The following SEPTIN4 variants were observed in gnomAD, a reference collection of about 807,000 sequenced individuals.
The protein encoded by SEPTIN4 is septin 4, also known as septin-4.
Under a neutral mutation model 107.1 loss-of-function variants are expected in SEPTIN4, and 52 were observed. That is an observed-to-expected ratio of 0.49 (90% CI 0.39 to 0.61). The LOEUF (loss-of-function observed/expected upper bound fraction) is 0.61, where lower values mean the gene tolerates loss of function less well. SEPTIN4 is among the 20% of genes least tolerant of loss of function. SEPTIN4 has a pLI of 0.00. For synonymous variants in SEPTIN4, 417 were observed against 467.0 expected (o/e 0.89, Z 1.38); for missense variants, 1,048 against 1,243.5 (o/e 0.84, Z 2.36).
At chr17:58,532,173 C>T (rs2043531291) in intron 3 of SEPTIN4, 1 of 934,352 alleles carries the variant, frequency 1.1e-6, no homozygotes, top group Non-Finnish European at 1.3e-6. Context: ...CGAAGTGGGT[C>T]GGGGTGCCCA....
At chr17:58,540,786 GCAAA>G in intron 2 of SEPTIN4, 113 bp from the exon 3 acceptor site, 1 of 1,168,326 alleles carries the variant, frequency 8.6e-7, no homozygotes, top group Non-Finnish European at 1.1e-6. Context: ...GTGGACTTGG[GCAAA>G]CCTGGCCCAA....
chr17:58,540,561 G>T, intron 3 of SEPTIN4, 105 bp downstream of exon 3: 1 of 911,070 alleles, frequency 1.1e-6, no homozygotes, highest in Non-Finnish European at 1.5e-6. Flanking sequence ...ATAGGGAGCA[G>T]CTCTGTCTCC....
intron 2 of SEPTIN4, 105 bp from the exon 3 acceptor site, chr17:58,540,778 G>C: frequency 8.2e-7 from 1 of 1,220,652 alleles, no homozygotes; most frequent in Non-Finnish European, 1.0e-6. Flanking sequence ...GATGCCCAGT[G>C]GACTTGGGCA....
chr17:58,531,786 C>T, intron 3 of SEPTIN4: 1 of 513,130 alleles, frequency 1.9e-6, no homozygotes, highest in Non-Finnish European at 2.6e-6. Context: ...TTGGGAGCAG[C>T]GACGCACCGC....
chr17:58,523,970 G>A (rs747145513), intron 7 of SEPTIN4, among the ~76,000 whole-genome samples: 5 of 152,138 alleles, frequency 3.3e-5, no homozygotes, highest in African/African-American at 4.8e-5. Context: ...ACTGTGAGGT[G>A]CCTGGCAAAT....
chr17:58,521,477 A>G lies in SEPTIN4; in HGVS notation c.2571+68T>C. 6.3e-7 allele frequency: 1 copy of G among 1,583,974 alleles called. No individual in the cohort carries two copies. The highest frequency in any genetic ancestry group is 8.7e-7 in the Non-Finnish European group (1 of 1,153,120). On this transcript the variant is annotated intron_variant, in intron 10 of 13. Transcript: ENST00000672673. The surrounding 1 kb of genome is among the most constrained non-coding windows in gnomAD (Gnocchi z 6.4). Reference sequence around the variant, plus strand: ...TTTCCCACCCTGATAGCCTGAATATAGAATTCTACTCCCTTTTTCTACCCG... The same window carrying G: ...TTTCCCACCCTGATAGCCTGAATATGGAATTCTACTCCCTTTTTCTACCCG...
At chr17:58,529,455 T>G in intron 3 of SEPTIN4, 1 of 1,339,882 alleles carries the variant, frequency 7.5e-7, no homozygotes, top group South Asian at 1.6e-5. Flanking sequence ...TGCAGTCCCC[T>G]CCTCCTCTGA....
chr17:58,525,738 G>C lies in SEPTIN4; in HGVS notation c.2049C>G (p.Phe683Leu). The change falls in exon 6 of 14, where the codon TTC (phenylalanine) becomes TTG (leucine). Residue 683 changes from phenylalanine to leucine, a missense_variant. Phe to Leu is a conservative substitution (Grantham distance 22). Transcript: ENST00000672673. Reference protein sequence around the residue: ...LGKSTLVNSLFLTDLYRDRKL... With the variant: ...LGKSTLVNSLLLTDLYRDRKL... ...TCCGGTCCCGGTACAGATCAGTGAG[G>C]AAGAGGCTATTGACAAGTGTGGATT... 1 of 1,614,152 alleles carries C rather than the reference G, an allele frequency of 6.2e-7. No homozygotes were observed. Among genetic ancestry groups the C allele is most frequent in the East Asian group, 2.2e-5 (1 of 44,878 alleles).
chr17:58,534,577 C>T (rs911556334), intron 3 of SEPTIN4, among the ~76,000 whole-genome samples: 1 of 152,256 alleles, frequency 6.6e-6, no homozygotes, highest in Non-Finnish European at 1.5e-5. Flanking sequence ...TTCAGCATGG[C>T]TTAACTCTTG....
At chr17:58,526,082 ACTCCTGG>A in intron 5 of SEPTIN4, 131 bp downstream of exon 5, 1 of 1,245,608 alleles carries the variant, frequency 8.0e-7, no homozygotes, top group South Asian at 1.9e-5. Context: ...CAGGCCAATG[ACTCCTGG>A]CTGTTTTGCA....
chr17:58,543,718 G>C lies in SEPTIN4; in HGVS notation c.469C>G (p.His157Asp), dbSNP rs1349921666. The change falls in exon 1 of 14, where the codon CAT becomes GAT. Residue 157 changes from histidine (H) to aspartate (D), a missense_variant. This residue lies in a region of SEPTIN4 where 787 missense variants were observed against 871.8 expected (regional missense o/e 0.90). Coordinates refer to ENST00000672673, the MANE Select transcript of SEPTIN4 (RefSeq NM_001368771.2). ...ASSIPDAKST[H>D]QLSFQDQKNN... ...TTCTGGTCTTGAAAACTCAACTGAT[G>C]AGTAGATTTGGCATCTGGGATTGAT... 1.9e-6 allele frequency: 3 copies of C among 1,614,198 alleles called. No homozygotes were observed. The highest frequency in any genetic ancestry group is 2.2e-5 in the South Asian group (2 of 91,082).
chr17:58,542,118 G>T (rs1019600320), intron 1 of SEPTIN4, 152 bp from the exon 2 acceptor site: 2 of 812,310 alleles, frequency 2.5e-6, no homozygotes, highest in Non-Finnish European at 3.8e-6. Context: ...TCCAGCCTAG[G>T]ACTATATATC....
In SEPTIN4 at chr17:58,542,704, C is replaced by A. The variant is rs767656851; in HGVS notation, c.1483G>T (p.Ala495Ser). The A allele has an allele frequency of 2.5e-6, 4 of 1,614,140 alleles. No homozygotes were observed. The highest frequency in any genetic ancestry group is 1.7e-6 in the Non-Finnish European group (2 of 1,180,022). The change falls in exon 1 of 14, where the codon GCA becomes TCA. Residue 495 changes from alanine to serine, a missense_variant. Transcript: ENST00000672673. ...PSPPKEFPSW[A>S]PLSEVPQTPK... ...GTCTGTGGCACTTCACTCAGTGGTG[C>A]CCAACTTGGAAACTCCTTTGGTGGT...
intron 3 of SEPTIN4, chr17:58,531,744 C>T: frequency 1.0e-5 from 3 of 290,834 alleles, no homozygotes; most frequent in Non-Finnish European, 1.7e-5. Context: ...CAGGGGTTGG[C>T]GCCCACTCCG....
intron 2 of SEPTIN4, chr17:58,541,637 C>T: frequency 2.6e-6 from 2 of 771,026 alleles, no homozygotes; most frequent in Non-Finnish European, 4.1e-6. Context: ...TGATAGATGA[C>T]CAACTAAGCT....
chr17:58,529,365 C>T (rs2043259887), intron 3 of SEPTIN4: 1 of 1,455,230 alleles, frequency 6.9e-7, no homozygotes, highest in Non-Finnish European at 9.1e-7. Context: ...AATGTCCTTC[C>T]CCACCCCTCT....
rs759024358 is a variant in SEPTIN4 at position 58,544,187 on chromosome 17, C to CT, written c.-2dup. The CT allele has an allele frequency of 4.4e-6, 7 of 1,607,432 alleles. No homozygotes were observed. In the Admixed American group the frequency reaches 1.0e-4, roughly 23 times the overall value. ...CCCCAGGTTTATTTGTCTTGACCAT[C>CT]TGATAGATTGTGCCCTTCTGAGTAG... On this transcript the variant is annotated 5_prime_UTR_variant, in exon 1 of 14. Coordinates refer to ENST00000672673, the MANE Select transcript of SEPTIN4 (RefSeq NM_001368771.2).
chr17:58,522,654 CAAAAA>C (rs1233539293), intron 7 of SEPTIN4, among the ~76,000 whole-genome samples: 4 of 52,670 alleles, frequency 7.6e-5, no homozygotes, highest in Admixed American at 2.1e-4. Flanking sequence ...CAGACTGTCA[CAAAAA>C]AAAAAAAAAA....
At position 58,520,730 on chromosome 17, in the gene SEPTIN4, A is replaced by C; in HGVS notation, c.2931+13T>G. 6.2e-7 allele frequency: 1 copy of C among 1,613,914 alleles called. No homozygotes were observed. The highest frequency in any genetic ancestry group is 8.5e-7 in the Non-Finnish European group (1 of 1,179,986). On this transcript the variant is annotated intron_variant, in intron 13 of 13. Transcript: ENST00000672673. ...AAACAGGAGACCTCCCCTATACCCCATACTGCTCTCACCTCCTCATCTTTC... is the reference window on the plus strand; with the variant it reads ...AAACAGGAGACCTCCCCTATACCCCCTACTGCTCTCACCTCCTCATCTTTC...
Sources: allele counts gnomAD v4.1 joint callset (sites outside exome capture counted in the v4.1 genomes callset), GRCh38; gene constraint gnomAD v4.1.1; regional missense constraint gnomAD v4.1.1; non-coding constraint Gnocchi (gnomAD v3.1); transcripts MANE v1.5; gene names NCBI Gene and HGNC (gene_info 2026-07-23, HGNC 2026-07-21).